UBAP2: variants seen among roughly 807,000 people sequenced by gnomAD.
UBAP2 encodes the protein ubiquitin-associated protein 2.
In UBAP2, 75 loss-of-function variants were observed where a neutral mutation model predicts 139.6. That is an observed-to-expected ratio of 0.54 (90% confidence interval 0.45 to 0.65). The LOEUF is 0.65. Ranked by LOEUF, UBAP2 falls within the 30% of genes least tolerant of loss-of-function variation. UBAP2 has a pLI of 0.00. For synonymous variants in UBAP2, 526 were observed against 526.2 expected (o/e 1.00, Z 0.01); for missense variants, 1,368 against 1,369.6 (o/e 1.00, Z 0.02).
At chr9:33,954,257 A>AGT (rs1316635921) in intron 11 of UBAP2, among the ~76,000 whole-genome samples, 2 of 34,478 alleles carry the variant, frequency 5.8e-5, no homozygotes, top group Admixed American at 3.0e-4. Flanking sequence ...AATACATTTA[A>AGT]GTGTGTGTAT....
intron 8 of UBAP2, among the ~76,000 whole-genome samples, chr9:33,969,918 A>ATTTTTTTTTTTT (rs1827784559): frequency 7.9e-6 from 1 of 125,852 alleles, no homozygotes; most frequent in African/African-American, 3.1e-5. Flanking sequence ...ACCGTGTATA[A>ATTTTTTTTTTTT]TTCTTTTTTT....
intron 17 of UBAP2, 95 bp downstream of exon 17, chr9:33,935,744 T>C (rs1290747969): frequency 4.2e-6 from 6 of 1,442,312 alleles, no homozygotes; most frequent in Non-Finnish European, 5.9e-6. Context: ...GAATAAGCCA[T>C]TGACCAACTG....
At chr9:34,025,650 G>A (rs576674363) in intron 1 of UBAP2, among the ~76,000 whole-genome samples, 4 of 152,280 alleles carry the variant, frequency 2.6e-5, no homozygotes, top group African/African-American at 4.8e-5. Flanking sequence ...GTCTCCGGCC[G>A]AATAAACCAA....
chr9:33,960,101 T>A (rs982965409), intron 10 of UBAP2, among the ~76,000 whole-genome samples: 6 of 151,974 alleles, frequency 3.9e-5, no homozygotes, highest in Non-Finnish European at 8.8e-5. Flanking sequence ...AGGTAATTTT[T>A]TTATTATTTT....
chr9:33,989,584 T>A (rs1821526873), intron 4 of UBAP2, among the ~76,000 whole-genome samples: 1 of 152,220 alleles, frequency 6.6e-6, no homozygotes, highest in Non-Finnish European at 1.5e-5. Flanking sequence ...TAGTTCTACT[T>A]TATTGATGAT....
intron 6 of UBAP2, among the ~76,000 whole-genome samples, chr9:33,976,107 A>T (rs1468929336): frequency 3.3e-5 from 5 of 152,222 alleles, no homozygotes; most frequent in African/African-American, 1.2e-4. Flanking sequence ...GACTTCACAC[A>T]GAGGTATTAC....
chr9:33,981,855 G>GGGAA (rs148902332), intron 6 of UBAP2, among the ~76,000 whole-genome samples: 2,561 of 138,894 alleles, frequency 0.018, 86 homozygotes, highest in African/African-American at 0.065. Context: ...AAGGGAGGGA[G>GGGAA]GGAAGGAAGG....
chr9:33,973,069 T>A (rs190152918), intron 7 of UBAP2, 114 bp downstream of exon 7: 108 of 904,096 alleles, frequency 1.2e-4, no homozygotes, highest in Non-Finnish European at 1.8e-4. Flanking sequence ...TCTTTAAGTA[T>A]AGAAAACACT....
chr9:34,046,846 C>T (rs1317584183), intron 1 of UBAP2, among the ~76,000 whole-genome samples: 1 of 152,062 alleles, frequency 6.6e-6, no homozygotes. Flanking sequence ...TCTCCCCATA[C>T]AATAAAAGTC....
At chr9:34,007,325 T>C (rs1418651706) in intron 2 of UBAP2, among the ~76,000 whole-genome samples, 1 of 151,980 alleles carries the variant, frequency 6.6e-6, no homozygotes, top group Non-Finnish European at 1.5e-5. Flanking sequence ...GGTGAGACGC[T>C]GTCTCTTCAA....
At chr9:33,964,006 T>C (rs543274661) in intron 8 of UBAP2, among the ~76,000 whole-genome samples, 16 of 152,312 alleles carry the variant, frequency 1.1e-4, no homozygotes, top group African/African-American at 3.6e-4. Context: ...CTTCAATTAT[T>C]CTCATTCTCA....
intron 10 of UBAP2, among the ~76,000 whole-genome samples, chr9:33,958,136 A>AT (rs1564030576): frequency 6.6e-6 from 1 of 152,070 alleles, no homozygotes; most frequent in Non-Finnish European, 1.5e-5. Flanking sequence ...TATTTTAAAA[A>AT]TTTTTTGTAG....
chr9:34,046,448 C>G (rs1193324284), intron 1 of UBAP2, among the ~76,000 whole-genome samples: 1 of 151,882 alleles, frequency 6.6e-6, no homozygotes, highest in Non-Finnish European at 1.5e-5. Flanking sequence ...TCAAGACCAT[C>G]CCGGCTAACA....
chr9:33,935,645 C>T, intron 17 of UBAP2, 194 bp downstream of exon 17: 1 of 642,150 alleles, frequency 1.6e-6, no homozygotes, highest in South Asian at 1.8e-5. Flanking sequence ...AGACCACCAC[C>T]TCCTTCTTGC....
intron 1 of UBAP2, among the ~76,000 whole-genome samples, chr9:34,028,830 T>C (rs59480418): frequency 0.052 from 7,933 of 151,884 alleles, 707 homozygotes; most frequent in African/African-American, 0.18. Flanking sequence ...AAAAAGCCTA[T>C]ACTATAAAGC....
intron 20 of UBAP2, among the ~76,000 whole-genome samples, chr9:33,927,430 A>T (rs1823543176): frequency 6.6e-6 from 1 of 152,210 alleles, no homozygotes; most frequent in African/African-American, 2.4e-5. Context: ...GGACAGGCTG[A>T]GTTCGAAGTC....
At chr9:34,037,786 C>T (rs564885371) in intron 1 of UBAP2, among the ~76,000 whole-genome samples, 68 of 152,064 alleles carry the variant, frequency 4.5e-4, no homozygotes, top group African/African-American at 1.6e-3. Context: ...CAAACCCTGA[C>T]TGGATGGGAA....
chr9:33,963,182 A>G (rs930464238), intron 9 of UBAP2, among the ~76,000 whole-genome samples: 1 of 152,164 alleles, frequency 6.6e-6, no homozygotes, highest in African/African-American at 2.4e-5. Context: ...GCAGAGATGC[A>G]ACATGATAGA....
At chr9:33,969,710 G>T (rs763170284) in intron 8 of UBAP2, among the ~76,000 whole-genome samples, 8 of 151,380 alleles carry the variant, frequency 5.3e-5, no homozygotes, top group Non-Finnish European at 8.8e-5. Context: ...CTAAAAATAC[G>T]AAAAAGTTAG....
Sources: gnomAD v4.1 joint callset for allele counts (sites outside exome capture counted in the v4.1 genomes callset) on GRCh38, gnomAD v4.1.1 for gene constraint, MANE v1.5 for transcripts, NCBI Gene and HGNC (gene_info 2026-07-23, HGNC 2026-07-21) for gene names.